MYO16: variants seen among roughly 807,000 people sequenced by gnomAD.
MYO16 encodes the protein unconventional myosin-XVI.
MYO16 carries 94 observed loss-of-function variants against 205.3 expected under a neutral mutation model. The ratio of observed to expected loss-of-function variants is 0.46; its 90% CI spans 0.39 to 0.54. MYO16 has a LOEUF of 0.54. Among genes scored for constraint, MYO16 ranks in the 20% least tolerant of loss-of-function variants. The pLI is 0.00. For missense variants in MYO16, 2,315 were observed against 2,387.5 expected (o/e 0.97, Z 0.63); for synonymous variants, 988 against 954.0 (o/e 1.04, Z -0.66).
intron 16 of MYO16, among the ~76,000 whole-genome samples, chr13:108,923,041 G>A (rs556494230): frequency 6.6e-6 from 1 of 152,294 alleles, no homozygotes; most frequent in East Asian, 1.9e-4. Context: ...TTTTGTTTGG[G>A]CTTCTCTTAC....
chr13:108,502,134 A>C, the MYO16 span, among the ~76,000 whole-genome samples: 4 of 152,016 alleles, frequency 2.6e-5, no homozygotes, highest in Non-Finnish European at 4.4e-5. Flanking sequence ...AATTGCTTGA[A>C]CCCAGGAGGT....
chr13:108,731,723 T>G (rs974795211), intron 4 of MYO16, among the ~76,000 whole-genome samples: 1 of 152,236 alleles, frequency 6.6e-6, no homozygotes, highest in African/African-American at 2.4e-5. Flanking sequence ...AATCATCATC[T>G]TCATTCACTT....
chr13:108,588,619 T>A, the MYO16 span, among the ~76,000 whole-genome samples: 2 of 152,220 alleles, frequency 1.3e-5, no homozygotes, highest in Non-Finnish European at 2.9e-5. Context: ...ACTTACCCCT[T>A]TCAGAACTTA....
chr13:108,983,232 T>C (rs1006627808), intron 20 of MYO16, among the ~76,000 whole-genome samples: 1 of 152,182 alleles, frequency 6.6e-6, no homozygotes, highest in African/African-American at 2.4e-5. Context: ...CATCTCTCCA[T>C]TCTCCTCTTT....
At chr13:109,042,372 G>A (rs182412373) in intron 23 of MYO16, among the ~76,000 whole-genome samples, 1 of 152,312 alleles carries the variant, frequency 6.6e-6, no homozygotes, top group Non-Finnish European at 1.5e-5. Flanking sequence ...GGTTGATCCA[G>A]TACTCAATCA....
At chr13:109,030,005 CAAT>C (rs1382933337) in intron 23 of MYO16, among the ~76,000 whole-genome samples, 1 of 152,028 alleles carries the variant, frequency 6.6e-6, no homozygotes, top group African/African-American at 2.4e-5. Flanking sequence ...ATAAAGGAAT[CAAT>C]GAGGCACATT....
intron 2 of MYO16, 102 bp from the exon 3 acceptor site, chr13:108,712,559 A>G (rs2139548943): frequency 1.0e-6 from 1 of 997,402 alleles, no homozygotes; most frequent in South Asian, 1.3e-5. Context: ...TTTGGTTTTC[A>G]CAGCTGTTTG....
At chr13:108,796,921 TA>T (rs1459422062) in intron 6 of MYO16, among the ~76,000 whole-genome samples, 4 of 133,414 alleles carry the variant, frequency 3.0e-5, no homozygotes, top group Non-Finnish European at 4.9e-5. Context: ...AAGTATAATT[TA>T]AAAAAATTAA....
At chr13:108,509,774 G>A in the MYO16 span, among the ~76,000 whole-genome samples, 1 of 152,090 alleles carries the variant, frequency 6.6e-6, no homozygotes, top group Non-Finnish European at 1.5e-5. Flanking sequence ...TTATGCACAT[G>A]TACCCTAAAA....
Position 108,898,087 on chromosome 13 carries a change from G to A in MYO16, c.1731G>A (p.Lys577=). ...TLNDLSSCFI[K]YFELQFCERK... ...ATGATTTGTCCAGTTGCTTCATCAA[G>A]TATTTTGAACTGCAGTTCTGTGAGA... Residue 577 remains lysine (K), a synonymous_variant, in exon 15 of 35, where the codon AAG becomes AAA. Transcript: ENST00000457511. The A allele has an allele frequency of 6.2e-7, 1 of 1,614,080 alleles. No individual in the cohort carries two copies.
At chr13:108,563,915 C>T in the MYO16 span, among the ~76,000 whole-genome samples, 3 of 152,162 alleles carry the variant, frequency 2.0e-5, no homozygotes, top group African/African-American at 4.8e-5. Flanking sequence ...TGAAGAAGCT[C>T]CAAACTGCTC....
chr13:108,509,256 TATG>T, the MYO16 span, among the ~76,000 whole-genome samples: 4 of 150,570 alleles, frequency 2.7e-5, no homozygotes, highest in Non-Finnish European at 5.9e-5. Context: ...ACTTGCACAG[TATG>T]ATACTTGCAC....
chr13:108,666,357 A>C (rs1203012988), intron 2 of MYO16, among the ~76,000 whole-genome samples: 1 of 151,950 alleles, frequency 6.6e-6, no homozygotes, highest in African/African-American at 2.4e-5. Context: ...GTAAGATAAA[A>C]AAATGTAAAA....
chr13:108,934,806 G>A (rs1243569836), intron 16 of MYO16, among the ~76,000 whole-genome samples: 4 of 152,074 alleles, frequency 2.6e-5, no homozygotes, highest in Admixed American at 6.6e-5. Flanking sequence ...TATATATGGT[G>A]AAAGATAGGG....
chr13:108,665,466 C>T (rs151259378), intron 1 of MYO16, among the ~76,000 whole-genome samples: 2,126 of 152,074 alleles, frequency 0.014, 42 homozygotes, highest in African/African-American at 0.046. Flanking sequence ...CATCATGATA[C>T]GCAAAAGCAA....
At chr13:108,778,175 T>C (rs1886184051) in intron 4 of MYO16, among the ~76,000 whole-genome samples, 1 of 152,212 alleles carries the variant, frequency 6.6e-6, no homozygotes, top group African/African-American at 2.4e-5. Flanking sequence ...ACGGTGGGAC[T>C]AGAAGAAAAT....
intron 6 of MYO16, among the ~76,000 whole-genome samples, chr13:108,800,093 A>G (rs1886924445): frequency 6.6e-6 from 1 of 151,992 alleles, no homozygotes; most frequent in African/African-American, 2.4e-5. Context: ...CTTTATGCTC[A>G]CTCAGCTTTT....
chr13:109,126,151 T>A (rs761247708), intron 30 of MYO16, among the ~76,000 whole-genome samples: 6 of 152,124 alleles, frequency 3.9e-5, no homozygotes, highest in Non-Finnish European at 5.9e-5. Flanking sequence ...CGATGTCAAT[T>A]TTTTTTTATT....
chr13:108,785,792 G>T lies in MYO16; in HGVS notation c.616+49G>T, dbSNP rs1227045900. 5.1e-6 allele frequency: 6 copies of T among 1,187,994 alleles called. No individual in the cohort carries two copies. In the South Asian group the frequency reaches 6.6e-5, roughly 13 times the overall value. 73.6% of individuals were successfully genotyped at this position (1,187,994 alleles called of 1,614,324 possible). On this transcript the variant is annotated intron_variant, in intron 5 of 34. Transcript: ENST00000457511. ...TAGAAAAAAATAGATTGGGAGAATT[G>T]TAAGTGTGTATTCATTTTCACAGGT...
Sources: gnomAD v4.1 joint callset for allele counts (sites outside exome capture counted in the v4.1 genomes callset) on GRCh38, gnomAD v4.1.1 for gene constraint, MANE v1.5 for transcripts, NCBI Gene and HGNC (gene_info 2026-07-23, HGNC 2026-07-21) for gene names.